The following NT5E variants were observed in gnomAD, a reference collection of about 807,000 sequenced individuals.
The protein encoded by NT5E is 5'-nucleotidase ecto.
NT5E carries 53 observed loss-of-function variants against 55.1 expected under a neutral mutation model. That is an observed-to-expected ratio of 0.96 (90% CI 0.77 to 1.21). The LOEUF (loss-of-function observed/expected upper bound fraction) is 1.21, where lower values mean the gene tolerates loss of function less well. NT5E is among the 50% of genes most tolerant of loss of function. The pLI is 0.00. For missense variants in NT5E, 683 were observed against 724.3 expected (o/e 0.94, Z 0.65); for synonymous variants, 270 against 278.4 (o/e 0.97, Z 0.30).
intron 5 of NT5E, among the ~76,000 whole-genome samples, chr6:85,488,555 T>TTTTATTTATTTA (rs780089112): frequency 6.6e-6 from 1 of 152,040 alleles, no homozygotes; most frequent in African/African-American, 2.4e-5. Flanking sequence ...AGCTTTTGCT[T>TTTTATTTATTTA]TTTATTTATT....
intron 1 of NT5E, among the ~76,000 whole-genome samples, chr6:85,457,856 G>A (rs1390345076): frequency 6.6e-6 from 1 of 152,170 alleles, no homozygotes; most frequent in Non-Finnish European, 1.5e-5. Context: ...ATGGCCATTC[G>A]AGTTCCTCTT....
At chr6:85,493,276 G>A (rs1320727591) in intron 8 of NT5E, among the ~76,000 whole-genome samples, 1 of 152,158 alleles carries the variant, frequency 6.6e-6, no homozygotes, top group Non-Finnish European at 1.5e-5. Context: ...ACCCAGAGGT[G>A]AAAACCACTG....
At chr6:85,455,945 G>C (rs1168061649) in intron 1 of NT5E, among the ~76,000 whole-genome samples, 1 of 152,178 alleles carries the variant, frequency 6.6e-6, no homozygotes, top group African/African-American at 2.4e-5. Context: ...ATGCTAATGA[G>C]ATGATCTATG....
Position 85,487,844 on chromosome 6 carries a change from AAGG to A in NT5E, c.1104+358_1104+360del, listed in dbSNP as rs572436524. Among the ~76,000 whole-genome samples the A allele has an allele frequency of 4.0e-3, 612 of 152,362 alleles. 5 individuals are homozygous for A. The highest frequency in any genetic ancestry group is 0.014 in the African/African-American group (584 of 41,586). Reference sequence around the variant, plus strand: ...ACTCAGTACCTTCTTAAGGTGCTGGAAGGAGATCAGGTAACCACCAACATACTG... The same window carrying A: ...ACTCAGTACCTTCTTAAGGTGCTGGAAGATCAGGTAACCACCAACATACTG... On this transcript the variant is annotated intron_variant, in intron 5 of 8. Transcript: ENST00000257770.
chr6:85,479,382 C>T (rs1769496650), intron 3 of NT5E, among the ~76,000 whole-genome samples: 1 of 152,170 alleles, frequency 6.6e-6, no homozygotes, highest in Non-Finnish European at 1.5e-5. Flanking sequence ...CATGACTGCT[C>T]ATCTGTAAGA....
chr6:85,462,735 G>A (rs970305150), intron 1 of NT5E, among the ~76,000 whole-genome samples: 3 of 152,186 alleles, frequency 2.0e-5, no homozygotes, highest in African/African-American at 4.8e-5. Context: ...GATTTGGTGC[G>A]TGAACCATTA....
rs1768840863 is a variant in NT5E, at chr6:85,450,869, CTTTATCTCAATCTTA to C, written c.339+394_339+408del. 6.6e-6 allele frequency among the ~76,000 whole-genome samples: 1 copy of C among 152,304 alleles called. No homozygotes were observed. The highest frequency in any genetic ancestry group is 1.9e-4 in the East Asian group (1 of 5,176). ...CTCAATCTAGATCTTTCGAAAAATG[CTTTATCTCAATCTTA>C]TTGAAAGGGAAACCGCGTCGAAGAA... is the stretch of plus-strand genomic sequence containing the variant. On this transcript the variant is annotated intron_variant, in intron 1 of 8. Coordinates refer to ENST00000257770, the MANE Select transcript of NT5E (RefSeq NM_002526.4). This position sits in a 1 kb window ranked among gnomAD's most constrained non-coding sequence, Gnocchi z 4.0.
chr6:85,482,769 G>A (rs1769575023), intron 3 of NT5E, among the ~76,000 whole-genome samples: 1 of 152,114 alleles, frequency 6.6e-6, no homozygotes. Flanking sequence ...AAATATTCTG[G>A]GCACGAACAT....
At position 85,487,756 on chromosome 6, in the gene NT5E, T is replaced by C. The variant is rs555829728; in HGVS notation, c.1104+267T>C. ...AAAGAGCGAGACTCTGTCTCTAAAA[T>C]TAAATAAATATGAAAAATAAATAAA... On this transcript the variant is annotated intron_variant, in intron 5 of 8. Transcript: ENST00000257770. Among the ~76,000 whole-genome samples the C allele has an allele frequency of 4.6e-5, 7 of 152,176 alleles. No homozygotes were observed. The South Asian group carries it at 1.5e-3, about 32-fold the overall frequency.
chr6:85,475,768 C>A (rs1769421737), intron 3 of NT5E, among the ~76,000 whole-genome samples: 1 of 152,168 alleles, frequency 6.6e-6, no homozygotes, highest in South Asian at 2.1e-4. Context: ...ATCTGGCTAG[C>A]TATGGCCTTG....
At chr6:85,456,370 G>A (rs1768992427) in intron 1 of NT5E, among the ~76,000 whole-genome samples, 1 of 152,174 alleles carries the variant, frequency 6.6e-6, no homozygotes, top group Admixed American at 6.5e-5. Context: ...CCAAGGATAG[G>A]GTCATGGGAA....
chr6:85,489,597 A>G lies in NT5E; in HGVS notation c.1208A>G (p.Asn403Ser), dbSNP rs769192189. The change falls in exon 6 of 9, where the codon AAT becomes AGT. Residue 403 changes from asparagine (N) to serine (S), a missense_variant and splice_region_variant. Asn to Ser is a conservative substitution (Grantham distance 46, BLOSUM62 1). Coordinates refer to ENST00000257770, the MANE Select transcript of NT5E (RefSeq NM_002526.4). ...GIRSPIDERN[N>S]GTITWENLAA... ...CGGTCGCCCATTGATGAACGCAACA[A>G]TGGTATGCTCCCAGGCCCAGCTCCT... 6 of 1,607,902 alleles carry G rather than the reference A, an allele frequency of 3.7e-6. No individual in the cohort carries two copies. The East Asian group carries it at 8.9e-5, about 24-fold the overall frequency.
At chr6:85,454,359 G>A (rs913947968) in intron 1 of NT5E, among the ~76,000 whole-genome samples, 2 of 152,324 alleles carry the variant, frequency 1.3e-5, no homozygotes, top group Middle Eastern at 3.4e-3. Flanking sequence ...TATCATGGCA[G>A]TATCCAGCTT....
chr6:85,474,001 C>A (rs1769375475), intron 3 of NT5E, among the ~76,000 whole-genome samples: 2 of 152,278 alleles, frequency 1.3e-5, no homozygotes, highest in Admixed American at 6.5e-5. Context: ...ATTGGGAGAC[C>A]ATGCCCAGCT....
intron 4 of NT5E, among the ~76,000 whole-genome samples, chr6:85,486,550 T>C (rs914643039): frequency 3.3e-5 from 5 of 152,166 alleles, no homozygotes; most frequent in African/African-American, 9.7e-5. Flanking sequence ...CCCAGAGCTA[T>C]GAACATCTGC....
chr6:85,460,882 G>A (rs1431264023), intron 1 of NT5E, among the ~76,000 whole-genome samples: 1 of 152,222 alleles, frequency 6.6e-6, no homozygotes, highest in Non-Finnish European at 1.5e-5. Flanking sequence ...CCTGCAGGAC[G>A]TTGGCCTGCA....
intron 8 of NT5E, 109 bp downstream of exon 8, chr6:85,492,286 C>T (rs1769802677): frequency 1.1e-6 from 1 of 948,344 alleles, no homozygotes; most frequent in Non-Finnish European, 1.7e-6. Flanking sequence ...TTGCTGACTC[C>T]CTCCTGCTTT....
At chr6:85,457,260 C>T (rs917040201) in intron 1 of NT5E, among the ~76,000 whole-genome samples, 11 of 152,192 alleles carry the variant, frequency 7.2e-5, no homozygotes, top group African/African-American at 2.7e-4. Flanking sequence ...CAGACAGGAG[C>T]AGTGGAAAGA....
intron 3 of NT5E, among the ~76,000 whole-genome samples, chr6:85,481,849 G>T (rs1287804084): frequency 2.0e-5 from 3 of 152,196 alleles, no homozygotes; most frequent in Non-Finnish European, 4.4e-5. Flanking sequence ...GTTTTAGAAA[G>T]ATCACTCAGG....
Sources: gnomAD v4.1 joint callset for allele counts (sites outside exome capture counted in the v4.1 genomes callset) on GRCh38, gnomAD v4.1.1 for gene constraint, Gnocchi (gnomAD v3.1) non-coding constraint, MANE v1.5 for transcripts, NCBI Gene and HGNC (gene_info 2026-07-23, HGNC 2026-07-21) for gene names.